Variants in UGT1A10 observed in about 807,000 individuals in gnomAD.
UGT1A10 encodes UDP glucuronosyltransferase family 1 member A10.
In UGT1A10, 49 loss-of-function variants were observed where a neutral mutation model predicts 45.8. The observed-to-expected ratio is 1.07, with a 90% CI of 0.85 to 1.36. The LOEUF is 1.36. Among genes scored for constraint, UGT1A10 ranks in the 40% most tolerant of loss-of-function variants. UGT1A10 has a pLI of 0.00. For synonymous variants in UGT1A10, 284 were observed against 249.7 expected, an observed-to-expected ratio of 1.14 and a Z score of -1.29; for missense variants, 745 against 668.6, an observed-to-expected ratio of 1.11 and a Z score of -1.26.
chr2:233,741,248 A>T (rs997599929), intron 1 of UGT1A10, among the ~76,000 whole-genome samples: 9 of 151,896 alleles, frequency 5.9e-5, no homozygotes, highest in African/African-American at 1.9e-4. Context: ...TGACACTGGT[A>T]TGCCACTCTT....
At chr2:233,747,116 TG>T (rs1693565638) in intron 1 of UGT1A10, 1 of 1,446,720 alleles carries the variant, frequency 6.9e-7, no homozygotes, top group African/African-American at 1.4e-5. Context: ...CATGATGATT[TG>T]CTAAGTGGCT....
intron 2 of UGT1A10, 45 bp from the exon 3 acceptor site, chr2:233,767,804 A>T: frequency 6.2e-7 from 1 of 1,614,124 alleles, no homozygotes; most frequent in Non-Finnish European, 8.5e-7. Flanking sequence ...TTTTCTAATC[A>T]TATTATGTTC....
chr2:233,712,650 T>G (rs2076245688), intron 1 of UGT1A10, among the ~76,000 whole-genome samples: 1 of 151,870 alleles, frequency 6.6e-6, no homozygotes, highest in Admixed American at 6.5e-5. Context: ...CTGATAAACG[T>G]GGTTAAGAGA....
intron 2 of UGT1A10, 143 bp from the exon 3 acceptor site, chr2:233,767,706 A>C (rs1467899863): frequency 1.1e-5 from 16 of 1,521,756 alleles, no homozygotes; most frequent in Admixed American, 2.0e-5. Flanking sequence ...GCCAGTCCTC[A>C]GAAGCCTTCA....
At chr2:233,760,585 T>A (rs2125986328) in intron 1 of UGT1A10, 2 of 1,614,208 alleles carry the variant, frequency 1.2e-6, no homozygotes, top group Non-Finnish European at 8.5e-7. Flanking sequence ...GCATAATGTT[T>A]TTGAGAATGA....
chr2:233,719,056 C>G, intron 1 of UGT1A10: 1 of 1,614,284 alleles, frequency 6.2e-7, no homozygotes, highest in Middle Eastern at 1.6e-4. Context: ...ACCCTGACAG[C>G]CTATGCTGTT....
chr2:233,673,291 A>G (rs1173051207), intron 1 of UGT1A10, among the ~76,000 whole-genome samples: 1 of 152,198 alleles, frequency 6.6e-6, no homozygotes, highest in Admixed American at 6.5e-5. Flanking sequence ...AAATACCTTT[A>G]TAGACCAATA....
At chr2:233,718,796 T>A (rs1241026493) in intron 1 of UGT1A10, 7 of 1,613,058 alleles carry the variant, frequency 4.3e-6, no homozygotes, top group Non-Finnish European at 5.1e-6. Flanking sequence ...GGGTGGACAG[T>A]CAGCTGTCGG....
chr2:233,745,345 T>C (rs1184068068), intron 1 of UGT1A10, among the ~76,000 whole-genome samples: 1 of 151,834 alleles, frequency 6.6e-6, no homozygotes, highest in Non-Finnish European at 1.5e-5. Flanking sequence ...ACCATGAATT[T>C]TGGGGGAATT....
At chr2:233,755,155 T>C (rs921927491) in intron 1 of UGT1A10, 4 of 1,293,388 alleles carry the variant, frequency 3.1e-6, no homozygotes, top group Middle Eastern at 2.2e-4. Flanking sequence ...GCTTCCTCCC[T>C]GTCCTCGGGG....
chr2:233,660,190 A>G (rs1026604130), intron 1 of UGT1A10, among the ~76,000 whole-genome samples: 1 of 152,216 alleles, frequency 6.6e-6, no homozygotes, highest in African/African-American at 2.4e-5. Flanking sequence ...CTATACAACA[A>G]GGACATCTTC....
In UGT1A10 at chr2:233,769,769, T is replaced by A. The variant is rs979940706; in HGVS notation, c.1295+1330T>A. 1.4e-6 allele frequency: 2 copies of A among 1,395,436 alleles called. No individual in the cohort carries two copies. Among genetic ancestry groups the A allele is most frequent in the Non-Finnish European group, 1.9e-6 (2 of 1,067,626 alleles). The allele number at this position is 1,395,436 out of a possible 1,614,324, so 86.4% of individuals were successfully genotyped here. ...ACTCTGGAGGCTAAGGCGGGAGGAT[T>A]GCTTGAGCCCAGAAGTTGGAGGCTG... is the stretch of plus-strand genomic sequence containing the variant. On this transcript the variant is annotated intron_variant, in intron 4 of 4. Transcript: ENST00000344644. This position sits in a 1 kb window ranked among gnomAD's most constrained non-coding sequence, Gnocchi z 4.4.
At chr2:233,648,402 T>C in intron 1 of UGT1A10, 2 of 242,598 alleles carry the variant, frequency 8.2e-6, no homozygotes, top group Non-Finnish European at 1.7e-5. Flanking sequence ...TTTCCTACAG[T>C]CCTAGATATG....
chr2:233,759,342 C>A (rs1337999825), intron 1 of UGT1A10, among the ~76,000 whole-genome samples: 1 of 152,112 alleles, frequency 6.6e-6, no homozygotes, highest in Non-Finnish European at 1.5e-5. Flanking sequence ...TTCAGGTGAG[C>A]GCTGAAAATC....
intron 1 of UGT1A10, chr2:233,713,548 A>G (rs1398367800): frequency 6.8e-6 from 11 of 1,613,866 alleles, no homozygotes; most frequent in Admixed American, 1.7e-5. Flanking sequence ...AAGGGCACAC[A>G]GTGTCCAAAC....
chr2:233,733,069 G>A (rs899757131), intron 1 of UGT1A10, among the ~76,000 whole-genome samples: 2 of 152,108 alleles, frequency 1.3e-5, no homozygotes, highest in African/African-American at 4.8e-5. Context: ...TCTCTTTGTA[G>A]CAATTGTGAA....
chr2:233,665,324 G>A (rs777773263), intron 1 of UGT1A10, among the ~76,000 whole-genome samples: 5 of 152,172 alleles, frequency 3.3e-5, no homozygotes, highest in Non-Finnish European at 7.4e-5. Context: ...ACATTAGTAT[G>A]TAAACACTCT....
intron 1 of UGT1A10, chr2:233,729,995 T>A (rs776522612): frequency 3.7e-6 from 6 of 1,613,982 alleles, no homozygotes; most frequent in Non-Finnish European, 4.2e-6. Flanking sequence ...CTATCTCAGG[T>A]CTGTATTGGT....
Position 233,754,563 on chromosome 2 carries a change from C to T in UGT1A10, c.856-12471C>T, listed in dbSNP as rs1133493. 9 of 399,474 alleles carry T rather than the reference C, an allele frequency of 2.3e-5. No homozygotes were observed. The East Asian group carries it at 2.9e-4, about 13-fold the overall frequency. 24.7% of individuals were successfully genotyped at this position (399,474 alleles called of 1,614,324 possible). On this transcript the variant is annotated intron_variant, in intron 1 of 4. Transcript: ENST00000344644. ...GGAATTACTTGGTGTCAATGGGGAG[C>T]AACTGCTCTATGCCGTTTATTATGA... is the stretch of plus-strand genomic sequence containing the variant.
Sources: allele counts gnomAD v4.1 joint callset (sites outside exome capture counted in the v4.1 genomes callset), GRCh38; gene constraint gnomAD v4.1.1; non-coding constraint Gnocchi (gnomAD v3.1); transcripts MANE v1.5; gene names NCBI Gene and HGNC (gene_info 2026-07-23, HGNC 2026-07-21).